CLSTN2: variants seen among roughly 807,000 people sequenced by gnomAD.
CLSTN2 encodes calsyntenin 2.
In CLSTN2, 48 loss-of-function variants were observed where a neutral mutation model predicts 101.2. The observed-to-expected ratio is 0.47, with a 90% CI of 0.38 to 0.60. The LOEUF (loss-of-function observed/expected upper bound fraction) is 0.60. CLSTN2 is among the 20% of genes least tolerant of loss of function. CLSTN2 has a pLI of 0.00. For missense variants in CLSTN2, 1,160 were observed against 1,238.2 expected, an observed-to-expected ratio of 0.94 and a Z score of 0.95; for synonymous variants, 481 against 463.6, an observed-to-expected ratio of 1.04 and a Z score of -0.48.
chr3:140,327,260 C>A (rs1304409800), intron 2 of CLSTN2, among the ~76,000 whole-genome samples: 1 of 152,194 alleles, frequency 6.6e-6, no homozygotes, highest in Non-Finnish European at 1.5e-5. Context: ...CTCAACTGTG[C>A]ACTAAAGCAA....
intron 2 of CLSTN2, among the ~76,000 whole-genome samples, chr3:140,330,110 A>G (rs1306668593): frequency 6.6e-6 from 1 of 152,202 alleles, no homozygotes; most frequent in African/African-American, 2.4e-5. Context: ...CCTGGAAGAG[A>G]GACATACTTA....
chr3:140,206,911 C>A (rs1182304644), intron 2 of CLSTN2, among the ~76,000 whole-genome samples: 2 of 152,188 alleles, frequency 1.3e-5, no homozygotes, highest in Non-Finnish European at 2.9e-5. Context: ...TGGCCACCTG[C>A]CTGAGCTGGG....
chr3:140,192,885 T>A (rs1028853387), intron 2 of CLSTN2, among the ~76,000 whole-genome samples: 1 of 151,946 alleles, frequency 6.6e-6, no homozygotes, highest in Non-Finnish European at 1.5e-5. Flanking sequence ...TGCTTTCTTG[T>A]CAGTTGGACA....
chr3:140,074,468 A>T (rs1294557828), intron 1 of CLSTN2, among the ~76,000 whole-genome samples: 4 of 152,162 alleles, frequency 2.6e-5, no homozygotes, highest in Non-Finnish European at 5.9e-5. Context: ...AGATGGAGAG[A>T]TGAGGGATGC....
chr3:140,520,181 T>C (rs2107772953), intron 8 of CLSTN2, among the ~76,000 whole-genome samples: 1 of 152,358 alleles, frequency 6.6e-6, no homozygotes, highest in African/African-American at 2.4e-5. Flanking sequence ...ACTGTTAGTC[T>C]GATGGGTTTC....
chr3:140,008,157 G>T (rs550279757), intron 1 of CLSTN2, among the ~76,000 whole-genome samples: 2 of 152,216 alleles, frequency 1.3e-5, no homozygotes, highest in Non-Finnish European at 2.9e-5. Flanking sequence ...AGTGTTGGGA[G>T]CATGGTTCTG....
At chr3:140,536,268 T>C (rs1431954044) in intron 9 of CLSTN2, among the ~76,000 whole-genome samples, 1 of 152,074 alleles carries the variant, frequency 6.6e-6, no homozygotes, top group African/African-American at 2.4e-5. Context: ...CTGTAAGGAC[T>C]AGATGCTAGG....
At chr3:140,443,444 A>G in intron 5 of CLSTN2, among the ~76,000 whole-genome samples, 1 of 152,252 alleles carries the variant, frequency 6.6e-6, no homozygotes, top group East Asian at 1.9e-4. Context: ...ATAAGAAAAC[A>G]TAAGTTACCC....
intron 2 of CLSTN2, among the ~76,000 whole-genome samples, chr3:140,279,507 T>C (rs983754396): frequency 6.6e-6 from 1 of 152,230 alleles, no homozygotes; most frequent in Admixed American, 6.5e-5. Flanking sequence ...TATGAGCAGA[T>C]GGCTATGTTC....
chr3:140,221,435 G>T (rs996648273), intron 2 of CLSTN2, among the ~76,000 whole-genome samples: 9 of 152,002 alleles, frequency 5.9e-5, no homozygotes, highest in African/African-American at 2.2e-4. Flanking sequence ...AAAGTGACTT[G>T]TGGAACATAT....
intron 1 of CLSTN2, among the ~76,000 whole-genome samples, chr3:139,988,678 G>A (rs953668163): frequency 6.6e-6 from 1 of 152,158 alleles, no homozygotes; most frequent in South Asian, 2.1e-4. Flanking sequence ...AGGTGGTACC[G>A]TGGTGGGGAG....
intron 2 of CLSTN2, among the ~76,000 whole-genome samples, chr3:140,316,216 G>A (rs1252965882): frequency 6.6e-6 from 1 of 152,114 alleles, no homozygotes; most frequent in Non-Finnish European, 1.5e-5. Flanking sequence ...AGGTGAAGGA[G>A]GGAAGCCAGC....
chr3:140,143,624 C>A (rs1361235144), intron 1 of CLSTN2, among the ~76,000 whole-genome samples: 1 of 152,206 alleles, frequency 6.6e-6, no homozygotes, highest in African/African-American at 2.4e-5. Flanking sequence ...TTAACCACCA[C>A]CAGATTCTCT....
At chr3:140,153,465 C>T (rs371158492) in intron 1 of CLSTN2, among the ~76,000 whole-genome samples, 12 of 152,354 alleles carry the variant, frequency 7.9e-5, no homozygotes, top group African/African-American at 2.9e-4. Context: ...CTGGGGCAGG[C>T]CCTGCTCACT....
chr3:140,132,606 G>A lies in CLSTN2; in HGVS notation c.110-43345G>A, dbSNP rs538411015. On this transcript the variant is annotated intron_variant, in intron 1 of 16. Transcript: ENST00000458420. ...CCTGAAAGTTGAATGTAGTAGAGGT[G>A]TCATGAGGATTAAATGAGATGACAT... Among the ~76,000 whole-genome samples, 189 of 152,286 alleles carry A rather than the reference G, an allele frequency of 1.2e-3. 1 individual carries two copies. Among genetic ancestry groups the A allele is most frequent in the African/African-American group, 4.5e-3 (185 of 41,566 alleles).
intron 2 of CLSTN2, among the ~76,000 whole-genome samples, chr3:140,367,701 C>G (rs2087807936): frequency 6.6e-6 from 1 of 152,172 alleles, no homozygotes; most frequent in African/African-American, 2.4e-5. Context: ...ATTTTTAATA[C>G]ACGAGGTCCC....
intron 2 of CLSTN2, among the ~76,000 whole-genome samples, chr3:140,224,161 T>G (rs72988167): frequency 0.034 from 5,229 of 152,272 alleles, 293 homozygotes; most frequent in African/African-American, 0.12. Context: ...TTACCAGCAT[T>G]GGCTTTGCAG....
chr3:140,022,594 T>A (rs2007341710), intron 1 of CLSTN2, among the ~76,000 whole-genome samples: 1 of 152,092 alleles, frequency 6.6e-6, no homozygotes, highest in South Asian at 2.1e-4. Flanking sequence ...GGCTGTTTGG[T>A]AAGGCTCCAG....
At chr3:140,297,850 G>A (rs1021403141) in intron 2 of CLSTN2, among the ~76,000 whole-genome samples, 3 of 152,168 alleles carry the variant, frequency 2.0e-5, no homozygotes, top group Admixed American at 2.0e-4. Flanking sequence ...ACCTAATACA[G>A]GTGGTTCTCA....
Sources: allele counts gnomAD v4.1 joint callset (sites outside exome capture counted in the v4.1 genomes callset), GRCh38; gene constraint gnomAD v4.1.1; transcripts MANE v1.5; gene names NCBI Gene and HGNC (gene_info 2026-07-23, HGNC 2026-07-21).